Variants in WDR41 observed in about 807,000 individuals in gnomAD.
WDR41 encodes WD repeat domain 41.
A neutral mutation model predicts 69.3 loss-of-function variants in WDR41; 63 were observed. That is an observed-to-expected ratio of 0.91 (90% CI 0.74 to 1.12). The LOEUF is 1.12. WDR41 is among the 50% of genes most tolerant of loss of function. The pLI, the probability that WDR41 is intolerant of heterozygous loss-of-function variation, is 0.00. For synonymous variants in WDR41, 185 were observed against 192.1 expected, an observed-to-expected ratio of 0.96 and a Z score of 0.31; for missense variants, 543 against 534.5, an observed-to-expected ratio of 1.02 and a Z score of -0.16.
intron 1 of WDR41, among the ~76,000 whole-genome samples, chr5:77,554,115 T>C (rs748122879): frequency 2.0e-5 from 3 of 152,210 alleles, no homozygotes; most frequent in Non-Finnish European, 4.4e-5. Flanking sequence ...GGTTGATACA[T>C]ATGACTTGGA....
intron 1 of WDR41, among the ~76,000 whole-genome samples, chr5:77,539,991 T>C (rs1490052540): frequency 6.6e-6 from 1 of 152,136 alleles, no homozygotes; most frequent in Non-Finnish European, 1.5e-5. Context: ...GGCCTTTACA[T>C]ACAGAACAGG....
At chr5:77,465,312 T>C (rs1181374280) in intron 2 of WDR41, among the ~76,000 whole-genome samples, 4 of 152,136 alleles carry the variant, frequency 2.6e-5, no homozygotes, top group Non-Finnish European at 4.4e-5. Flanking sequence ...GATTTGAGGA[T>C]TTTTTAGGGT....
chr5:77,438,204 G>A lies in WDR41; in HGVS notation c.1004+36C>T, dbSNP rs771799469. ...CTGGTAGCCCTGGGAACTGTGACTT[G>A]CTTTCATCTATTGCAGAACAGATGG... is the stretch of plus-strand genomic sequence containing the variant. On this transcript the variant is annotated intron_variant, in intron 10 of 12. Transcript: ENST00000296679. 9 of 1,612,418 alleles carry A rather than the reference G, an allele frequency of 5.6e-6. No individual in the cohort carries two copies. The African/African-American group carries it at 1.1e-4, about 19-fold the overall frequency.
chr5:77,522,722 T>A (rs1173944699), intron 1 of WDR41, among the ~76,000 whole-genome samples: 4 of 152,008 alleles, frequency 2.6e-5, no homozygotes, highest in East Asian at 1.9e-4. Flanking sequence ...AAAGCCAAGA[T>A]AAGTCACGAG....
chr5:77,611,667 T>G (rs1744554906), intron 1 of WDR41, among the ~76,000 whole-genome samples: 1 of 152,102 alleles, frequency 6.6e-6, no homozygotes, highest in African/African-American at 2.4e-5. Context: ...TTTATAGCAC[T>G]AAATGCCCAG....
Position 77,432,828 on chromosome 5 carries a change from A to G in WDR41, c.*307T>C, listed in dbSNP as rs1022056877. ...TTCTAATAAATGCCATAACTTAACT[A>G]TTACCTCTATTTGTACCTTTCACAA... On this transcript the variant is annotated 3_prime_UTR_variant, in exon 13 of 13. Transcript: ENST00000296679. 9.4e-6 allele frequency: 2 copies of G among 212,246 alleles called. No homozygotes were observed. The highest frequency in any genetic ancestry group is 4.6e-5 in the African/African-American group (2 of 43,864). 13.1% of individuals were successfully genotyped at this position (212,246 alleles called of 1,614,324 possible).
At chr5:77,563,098 G>A (rs1226868287) in intron 1 of WDR41, among the ~76,000 whole-genome samples, 1 of 152,064 alleles carries the variant, frequency 6.6e-6, no homozygotes, top group African/African-American at 2.4e-5. Context: ...ATACATGTTT[G>A]TTGAATGAAT....
chr5:77,484,680 G>A (rs899427708), intron 2 of WDR41, among the ~76,000 whole-genome samples: 4 of 152,138 alleles, frequency 2.6e-5, no homozygotes, highest in Non-Finnish European at 5.9e-5. Flanking sequence ...TTCTTAAAAA[G>A]CTGCCCAAAG....
At chr5:77,471,039 C>T in intron 2 of WDR41, among the ~76,000 whole-genome samples, 1 of 152,180 alleles carries the variant, frequency 6.6e-6, no homozygotes, top group Non-Finnish European at 1.5e-5. Context: ...AAGCACTCCT[C>T]AGCAAATGTA....
chr5:77,432,858 CTAGGTTCAAAA>C lies in WDR41; in HGVS notation c.*266_*276del. ...CTCTATTTGTACCTTTCACAAGGAT[CTAGGTTCAAAA>C]TAAGCTCAAAACACAGCACTCACCA... is the stretch of plus-strand genomic sequence containing the variant. On this transcript the variant is annotated 3_prime_UTR_variant, in exon 13 of 13. Transcript: ENST00000296679. 1 of 283,910 alleles carries C rather than the reference CTAGGTTCAAAA, an allele frequency of 3.5e-6. No individual in the cohort carries two copies. Among genetic ancestry groups the C allele is most frequent in the Non-Finnish European group, 6.5e-6 (1 of 154,922 alleles). 17.6% of individuals were successfully genotyped at this position (283,910 alleles called of 1,614,324 possible). A position where few individuals can be genotyped will look rare whatever the true frequency, so the allele number is the denominator to read the frequency against.
chr5:77,596,832 T>C (rs1744236064), intron 1 of WDR41, among the ~76,000 whole-genome samples: 1 of 152,122 alleles, frequency 6.6e-6, no homozygotes, highest in Non-Finnish European at 1.5e-5. Flanking sequence ...AAAATGGTTT[T>C]AGCCAGGCAA....
chr5:77,514,680 T>C (rs1237502108), intron 1 of WDR41, among the ~76,000 whole-genome samples: 1 of 152,184 alleles, frequency 6.6e-6, no homozygotes, highest in African/African-American at 2.4e-5. Context: ...ATTTTGTCAT[T>C]GTGCCATTGT....
chr5:77,462,503 T>C (rs1800117000), intron 4 of WDR41, among the ~76,000 whole-genome samples: 1 of 151,792 alleles, frequency 6.6e-6, no homozygotes, highest in African/African-American at 2.4e-5. Flanking sequence ...ATTAGAACAA[T>C]GCCTGTTACA....
At chr5:77,501,281 G>A (rs1408449549) in intron 1 of WDR41, among the ~76,000 whole-genome samples, 1 of 152,236 alleles carries the variant, frequency 6.6e-6, no homozygotes, top group Admixed American at 6.5e-5. Flanking sequence ...TGCTAGTGTA[G>A]CTGTCTGAGA....
chr5:77,521,546 G>T (rs1802370535), intron 1 of WDR41, among the ~76,000 whole-genome samples: 2 of 152,190 alleles, frequency 1.3e-5, no homozygotes, highest in African/African-American at 2.4e-5. Context: ...TTAATTCCAA[G>T]TGATTAATTT....
At chr5:77,455,196 T>C (rs1221087975) in intron 5 of WDR41, among the ~76,000 whole-genome samples, 1 of 152,260 alleles carries the variant, frequency 6.6e-6, no homozygotes, top group Non-Finnish European at 1.5e-5. Context: ...AAATAGTATT[T>C]CACTGTGGTT....
At chr5:77,494,275 G>T (rs539956648), upstream of WDR41, among the ~76,000 whole-genome samples, 1 of 151,726 alleles carries the variant, frequency 6.6e-6, no homozygotes, top group South Asian at 2.1e-4. Context: ...AAACTATAAG[G>T]CATATAGAAA....
At chr5:77,571,339 A>G (rs1743729317) in intron 1 of WDR41, among the ~76,000 whole-genome samples, 1 of 152,128 alleles carries the variant, frequency 6.6e-6, no homozygotes, top group Non-Finnish European at 1.5e-5. Context: ...ACAAACTTCT[A>G]CACTGAGTTA....
intron 1 of WDR41, among the ~76,000 whole-genome samples, chr5:77,542,527 TAAAATA>T (rs902368044): frequency 2.6e-5 from 4 of 152,158 alleles, no homozygotes; most frequent in Non-Finnish European, 4.4e-5. Flanking sequence ...CTGATTCTTA[TAAAATA>T]AAAATGAAAA....
Sources: gnomAD v4.1 joint callset for allele counts (sites outside exome capture counted in the v4.1 genomes callset) on GRCh38, gnomAD v4.1.1 for gene constraint, MANE v1.5 for transcripts, NCBI Gene and HGNC (gene_info 2026-07-23, HGNC 2026-07-21) for gene names.